The following FNIP2 variants were observed in gnomAD, a reference collection of about 807,000 sequenced individuals.
The protein encoded by FNIP2 is folliculin-interacting protein 2.
Under a neutral mutation model 108.7 loss-of-function variants are expected in FNIP2, and 32 were observed. The observed-to-expected ratio is 0.29, with a 90% CI of 0.22 to 0.40. The LOEUF is 0.40. FNIP2 is among the 10% of genes least tolerant of loss of function. The probability of loss-of-function intolerance (pLI) is 1.00; values close to 1 mark genes in which losing one functional copy is unlikely to be tolerated. For missense variants in FNIP2, 1,202 were observed against 1,381.6 expected (o/e 0.87, Z 2.06); for synonymous variants, 480 against 496.7 (o/e 0.97, Z 0.45).
intron 1 of FNIP2, among the ~76,000 whole-genome samples, chr4:158,780,382 A>C (rs183482700): frequency 1.5e-3 from 232 of 152,274 alleles, no homozygotes; most frequent in African/African-American, 4.2e-3. Flanking sequence ...TAGAATAGCT[A>C]TTTCTCAAGA....
At chr4:158,884,922 C>T (rs1392540815) in intron 14 of FNIP2, among the ~76,000 whole-genome samples, 1 of 150,866 alleles carries the variant, frequency 6.6e-6, no homozygotes, top group East Asian at 1.9e-4. Context: ...AGGCGGATCA[C>T]TTGAGGCCAG....
chr4:158,879,271 C>T (rs1360180790), intron 14 of FNIP2, among the ~76,000 whole-genome samples: 4 of 150,492 alleles, frequency 2.7e-5, no homozygotes, highest in Admixed American at 2.7e-4. Context: ...GAAGACATGG[C>T]ATCTGTCCTC....
chr4:158,818,696 A>G (rs932841826), intron 1 of FNIP2, among the ~76,000 whole-genome samples: 4 of 152,246 alleles, frequency 2.6e-5, no homozygotes, highest in Non-Finnish European at 1.5e-5. Flanking sequence ...TCTAGCCCCA[A>G]GGCTCTCAGT....
At chr4:158,842,776 A>G (rs542584672) in intron 7 of FNIP2, among the ~76,000 whole-genome samples, 112 of 152,268 alleles carry the variant, frequency 7.4e-4, no homozygotes, top group Admixed American at 2.0e-3. Flanking sequence ...CAAGGTGGTA[A>G]GAACATTGGC....
chr4:158,898,871 G>A (rs1362897943), intron 16 of FNIP2, among the ~76,000 whole-genome samples: 2 of 152,126 alleles, frequency 1.3e-5, no homozygotes, highest in South Asian at 2.1e-4. Context: ...CCAATACTAT[G>A]TTGAATAGTT....
chr4:158,859,974 A>G (rs1780190336), intron 10 of FNIP2, among the ~76,000 whole-genome samples: 1 of 152,176 alleles, frequency 6.6e-6, no homozygotes, highest in Admixed American at 6.5e-5. Context: ...CAAAAGCCCT[A>G]AGCACTACTA....
At chr4:158,824,738 T>C (rs1778060759) in intron 1 of FNIP2, among the ~76,000 whole-genome samples, 1 of 152,194 alleles carries the variant, frequency 6.6e-6, no homozygotes. Context: ...AACATGATCC[T>C]GGCCCCTGCC....
chr4:158,853,183 C>A (rs1779794847), intron 8 of FNIP2, among the ~76,000 whole-genome samples: 2 of 152,048 alleles, frequency 1.3e-5, no homozygotes, highest in Admixed American at 1.3e-4. Flanking sequence ...GCCTTTTCTG[C>A]AAATACATTT....
intron 14 of FNIP2, among the ~76,000 whole-genome samples, chr4:158,870,752 T>A (rs1780897322): frequency 6.6e-6 from 1 of 152,190 alleles, no homozygotes; most frequent in Non-Finnish European, 1.5e-5. Flanking sequence ...GCAGGAGCAG[T>A]GAGGAGGGGG....
At chr4:158,894,878 C>T (rs916353040) in intron 15 of FNIP2, among the ~76,000 whole-genome samples, 2 of 152,208 alleles carry the variant, frequency 1.3e-5, no homozygotes, top group Non-Finnish European at 1.5e-5. Context: ...TTTTCCATGT[C>T]GTTGATCAGC....
At position 158,872,833 on chromosome 4, in the gene FNIP2, G is replaced by A. The variant is rs769705304; in HGVS notation, c.2949+2364G>A. 9.3e-5 allele frequency: 76 copies of A among 819,506 alleles called. No homozygotes were observed. The Admixed American group carries it at 1.7e-3, about 18-fold the overall frequency. The allele number at this position is 819,506 out of a possible 1,614,324, so 50.8% of individuals were successfully genotyped here. On this transcript the variant is annotated intron_variant, in intron 14 of 16. Coordinates refer to ENST00000264433, the MANE Select transcript of FNIP2 (RefSeq NM_020840.3). ...GGAGTATTTGTTTAAACATTATTCC[G>A]AATTTACTGCTCCATAAAGCCTAGT...
chr4:158,903,476 G>C (rs1034521524), intron 16 of FNIP2, among the ~76,000 whole-genome samples: 2 of 152,154 alleles, frequency 1.3e-5, no homozygotes, highest in African/African-American at 4.8e-5. Flanking sequence ...TACATTTCAA[G>C]GGCTTTACCC....
chr4:158,877,386 A>C (rs4619844), intron 14 of FNIP2, among the ~76,000 whole-genome samples: 45,506 of 152,136 alleles, frequency 0.3, 7,458 homozygotes, highest in Non-Finnish European at 0.38. Flanking sequence ...GTATACCTAC[A>C]AGGATCCCTT....
chr4:158,797,125 G>A (rs911969505), intron 1 of FNIP2, among the ~76,000 whole-genome samples: 7 of 152,122 alleles, frequency 4.6e-5, no homozygotes, highest in African/African-American at 1.7e-4. Context: ...AGAACTCTTA[G>A]AGCACTTTAA....
intron 12 of FNIP2, among the ~76,000 whole-genome samples, chr4:158,865,490 T>C (rs1457614463): frequency 6.6e-6 from 1 of 152,230 alleles, no homozygotes; most frequent in Non-Finnish European, 1.5e-5. Context: ...ATAAATTGTA[T>C]TTTTAATAAC....
chr4:158,826,421 G>T (rs1392344794), intron 2 of FNIP2, among the ~76,000 whole-genome samples: 1 of 152,212 alleles, frequency 6.6e-6, no homozygotes, highest in Non-Finnish European at 1.5e-5. Flanking sequence ...TTAGTGTGAA[G>T]ATCATTCTGT....
At chr4:158,840,002 T>G (rs1779033722) in intron 7 of FNIP2, among the ~76,000 whole-genome samples, 1 of 152,210 alleles carries the variant, frequency 6.6e-6, no homozygotes, top group African/African-American at 2.4e-5. Flanking sequence ...AGATAGCTTT[T>G]TAAGGGGTTA....
At chr4:158,888,472 G>A (rs1782129608) in intron 14 of FNIP2, among the ~76,000 whole-genome samples, 1 of 152,182 alleles carries the variant, frequency 6.6e-6, no homozygotes. Context: ...GGCTAAGGAT[G>A]CAGAGAGAAG....
In FNIP2 at chr4:158,906,817, A is replaced by C. The variant is rs75597832; in HGVS notation, c.*2273A>C. The C allele has an allele frequency of 6.6e-6, 1 of 152,020 alleles. No individual in the cohort carries two copies. Among genetic ancestry groups the C allele is most frequent in the African/African-American group, 2.4e-5 (1 of 41,398 alleles). The allele number at this position is 152,020 out of a possible 1,614,324, so 9.4% of individuals were successfully genotyped here. A position where few individuals can be genotyped will look rare whatever the true frequency, so the allele number is the denominator to read the frequency against. ...CCTAAAAGCAAAAAAGAAAAAAAAA[A>C]CCTCACAGAATTGTGTTGAGATCCA... On this transcript the variant is annotated 3_prime_UTR_variant, in exon 17 of 17. Coordinates refer to ENST00000264433, the MANE Select transcript of FNIP2 (RefSeq NM_020840.3).
Sources: allele counts gnomAD v4.1 joint callset (sites outside exome capture counted in the v4.1 genomes callset), GRCh38; gene constraint gnomAD v4.1.1; transcripts MANE v1.5; gene names NCBI Gene and HGNC (gene_info 2026-07-23, HGNC 2026-07-21).